The following RHBDL2 variants were observed in gnomAD, a reference collection of about 807,000 sequenced individuals.
The protein encoded by RHBDL2 is rhomboid like 2.
Under a neutral mutation model 31.7 loss-of-function variants are expected in RHBDL2, and 26 were observed. The observed-to-expected ratio is 0.82, with a 90% confidence interval of 0.60 to 1.14. The LOEUF is 1.14. Ranked by LOEUF, RHBDL2 falls within the 50% of genes most tolerant of loss-of-function variation. The pLI is 0.00. For synonymous variants in RHBDL2, 123 were observed against 127.2 expected (o/e 0.97, Z 0.22); for missense variants, 336 against 364.4 (o/e 0.92, Z 0.63).
chr1:38,915,134 T>C (rs1462958910), intron 3 of RHBDL2, among the ~76,000 whole-genome samples: 1 of 151,116 alleles, frequency 6.6e-6, no homozygotes, highest in Non-Finnish European at 1.5e-5. Flanking sequence ...AGTGACTACA[T>C]CTTTTTTTTT....
chr1:38,923,390 C>T (rs1189690533), intron 1 of RHBDL2, among the ~76,000 whole-genome samples: 1 of 152,218 alleles, frequency 6.6e-6, no homozygotes, highest in South Asian at 2.1e-4. Flanking sequence ...TATTTTCTAA[C>T]AGTTCTAATT....
chr1:38,901,505 A>G (rs1392283135), intron 4 of RHBDL2, among the ~76,000 whole-genome samples: 4 of 151,324 alleles, frequency 2.6e-5, no homozygotes, highest in Non-Finnish European at 4.4e-5. Context: ...GGAAAGAAAA[A>G]AAGAGAAAGA....
intron 6 of RHBDL2, among the ~76,000 whole-genome samples, chr1:38,888,297 G>A (rs1208668032): frequency 6.6e-6 from 1 of 151,596 alleles, no homozygotes; most frequent in Non-Finnish European, 1.5e-5. Flanking sequence ...TAGATAGGCA[G>A]CAATGGACAG....
rs551234397 is a variant in RHBDL2, at chr1:38,927,296, G to A, written c.-125-7959C>T. 2.3e-3 allele frequency among the ~76,000 whole-genome samples: 343 copies of A among 151,952 alleles called. 4 individuals are homozygous for A. The highest frequency in any genetic ancestry group is 2.8e-3 in the Non-Finnish European group (192 of 67,926). On this transcript the variant is annotated intron_variant, in intron 1 of 7. Coordinates refer to ENST00000372990, the MANE Select transcript of RHBDL2 (RefSeq NM_017821.5). ...CAAAAAATTAGCCGGGCGTGGTGGC[G>A]GGCGCCTGTAGTCCCAGCTACTCGG...
At chr1:38,930,191 C>A (rs942953005) in intron 1 of RHBDL2, among the ~76,000 whole-genome samples, 42 of 152,130 alleles carry the variant, frequency 2.8e-4, no homozygotes, top group African/African-American at 9.9e-4. Flanking sequence ...CAGGGCCTCT[C>A]GGCGGAATAA....
chr1:38,919,264 A>G lies in RHBDL2; in HGVS notation c.-52T>C, dbSNP rs1273801418. Reference sequence around the variant, plus strand: ...AAGGACATGAATCCCAGGGAACAGCAGGTGGCCCTAGGTCCTCAGGCTGCC... The same window carrying G: ...AAGGACATGAATCCCAGGGAACAGCGGGTGGCCCTAGGTCCTCAGGCTGCC... On this transcript the variant is annotated 5_prime_UTR_variant, in exon 2 of 8. Coordinates refer to ENST00000372990, the MANE Select transcript of RHBDL2 (RefSeq NM_017821.5). 2 of 1,613,130 alleles carry G rather than the reference A, an allele frequency of 1.2e-6. No individual in the cohort carries two copies. Among genetic ancestry groups the G allele is most frequent in the Non-Finnish European group, 1.7e-6 (2 of 1,179,902 alleles).
At chr1:38,936,233 T>G (rs1643507919) in intron 1 of RHBDL2, among the ~76,000 whole-genome samples, 2 of 152,102 alleles carry the variant, frequency 1.3e-5, no homozygotes, top group African/African-American at 4.8e-5. Context: ...TTTATTTTTA[T>G]TTTATGTTTT....
chr1:38,886,692 A>T lies in RHBDL2; in HGVS notation c.733-9T>A, dbSNP rs536362399. The T allele has an allele frequency of 6.4e-5, 98 of 1,525,142 alleles. 1 individual carries two copies. In the South Asian group the frequency reaches 1.1e-3, roughly 17 times the overall value. 94.5% of individuals were successfully genotyped at this position (1,525,142 alleles called of 1,614,324 possible). On this transcript the variant is annotated splice_polypyrimidine_tract_variant and intron_variant, in intron 7 of 7. Transcript: ENST00000372990. ...TGAGCTGCAAAAGACACCTTGGGAG[A>T]AAAGGAGGGAAAATGGAAATAAGTG...
intron 3 of RHBDL2, 131 bp from the exon 4 acceptor site, chr1:38,911,565 T>C (rs1643141758): frequency 1.5e-6 from 1 of 649,990 alleles, no homozygotes; most frequent in Non-Finnish European, 2.7e-6. Flanking sequence ...TTTCTAATTT[T>C]TCTTCGCAGA....
rs1244703289 is a variant in RHBDL2, at chr1:38,886,642, CA to C, written c.773del (p.Met258SerfsTer16). 2 of 1,579,860 alleles carry C rather than the reference CA, an allele frequency of 1.3e-6. No homozygotes were observed. The highest frequency in any genetic ancestry group is 1.7e-6 in the Non-Finnish European group (2 of 1,159,446). ...AGCTAAACACCGTGTAGCCAATGGA[CA>C]TTCCAGCAAATCCACCTGCAATGTG... is the stretch of plus-strand genomic sequence containing the variant. The part of the protein sequence containing the change: ...AAHIAGGFAG[M>X]SIGYTVFSCF... On this transcript the variant is annotated frameshift_variant, in exon 8 of 8. Coordinates refer to ENST00000372990, the MANE Select transcript of RHBDL2 (RefSeq NM_017821.5). LOFTEE classifies it high-confidence loss of function.
chr1:38,928,238 T>G (rs1426228340), intron 1 of RHBDL2, among the ~76,000 whole-genome samples: 1 of 147,192 alleles, frequency 6.8e-6, no homozygotes. Flanking sequence ...ACCTCCCAGG[T>G]TCAAGCGATT....
intron 3 of RHBDL2, chr1:38,913,774 A>G (rs1467863998): frequency 6.6e-6 from 1 of 152,382 alleles, no homozygotes; most frequent in African/African-American, 2.4e-5. Context: ...TGCAGTGGGC[A>G]TGGTGGATCA....
chr1:38,923,250 C>G (rs1043778648), intron 1 of RHBDL2, among the ~76,000 whole-genome samples: 6 of 152,152 alleles, frequency 3.9e-5, no homozygotes, highest in African/African-American at 1.2e-4. Context: ...AAACATCCAA[C>G]CTCTAGAAAT....
intron 4 of RHBDL2, among the ~76,000 whole-genome samples, chr1:38,906,095 C>T: frequency 6.6e-6 from 1 of 150,586 alleles, no homozygotes; most frequent in East Asian, 1.9e-4. Context: ...TTACAGCTAA[C>T]ATTACATTTT....
chr1:38,895,594 A>C (rs998199656), intron 5 of RHBDL2, among the ~76,000 whole-genome samples: 9 of 152,158 alleles, frequency 5.9e-5, no homozygotes, highest in African/African-American at 2.2e-4. Flanking sequence ...GCTTGAGCCT[A>C]GGAGTTCGAG....
chr1:38,938,693 C>T (rs1463716528), intron 1 of RHBDL2, among the ~76,000 whole-genome samples: 2 of 152,224 alleles, frequency 1.3e-5, no homozygotes, highest in African/African-American at 2.4e-5. Flanking sequence ...TACAACTCCT[C>T]TGCAAAGCCT....
intron 4 of RHBDL2, among the ~76,000 whole-genome samples, chr1:38,901,413 G>A (rs1429315469): frequency 7.2e-6 from 1 of 139,586 alleles, no homozygotes; most frequent in Non-Finnish European, 1.5e-5. Flanking sequence ...AGTAACCCAA[G>A]ATCGCACCAT....
chr1:38,891,307 A>G (rs567635474), intron 6 of RHBDL2, among the ~76,000 whole-genome samples: 4 of 152,090 alleles, frequency 2.6e-5, no homozygotes, highest in Non-Finnish European at 5.9e-5. Flanking sequence ...CTTTATACAC[A>G]TTACATATTA....
At chr1:38,890,369 C>T (rs1642839289) in intron 6 of RHBDL2, among the ~76,000 whole-genome samples, 2 of 152,096 alleles carry the variant, frequency 1.3e-5, no homozygotes, top group African/African-American at 4.8e-5. Flanking sequence ...AATAACATGC[C>T]CATGGGTCTA....
Sources: allele counts gnomAD v4.1 joint callset (sites outside exome capture counted in the v4.1 genomes callset), GRCh38; gene constraint gnomAD v4.1.1; transcripts MANE v1.5; gene names NCBI Gene and HGNC (gene_info 2026-07-23, HGNC 2026-07-21).